Variants in DLGAP4 observed in about 807,000 individuals in gnomAD.
DLGAP4 encodes the protein disks large-associated protein 4.
In DLGAP4, 18 loss-of-function variants were observed where a neutral mutation model predicts 86.9. That is an observed-to-expected ratio of 0.21 (90% CI 0.14 to 0.31). The LOEUF (loss-of-function observed/expected upper bound fraction) is 0.31, where lower values mean the gene tolerates loss of function less well. Ranked by LOEUF, DLGAP4 falls within the 10% of genes least tolerant of loss-of-function variation. The probability of loss-of-function intolerance (pLI) is 1.00; values close to 1 mark genes in which losing one functional copy is unlikely to be tolerated. For missense variants in DLGAP4, 1,085 were observed against 1,362.6 expected, an observed-to-expected ratio of 0.80 and a Z score of 3.21; for synonymous variants, 548 against 574.3, an observed-to-expected ratio of 0.95 and a Z score of 0.65.
At chr20:36,435,792 A>G (rs998969110) in intron 3 of DLGAP4, among the ~76,000 whole-genome samples, 2 of 152,140 alleles carry the variant, frequency 1.3e-5, no homozygotes, top group African/African-American at 4.8e-5. Context: ...CTGAGAGTCC[A>G]CGTGAAGTGA....
chr20:36,490,235 A>T (rs2035602029), intron 7 of DLGAP4, among the ~76,000 whole-genome samples: 1 of 152,106 alleles, frequency 6.6e-6, no homozygotes, highest in South Asian at 2.1e-4. Context: ...GGTCACATGG[A>T]CTGTCAACAG....
intron 2 of DLGAP4, among the ~76,000 whole-genome samples, chr20:36,375,323 G>A (rs1039629283): frequency 6.6e-6 from 1 of 152,206 alleles, no homozygotes; most frequent in South Asian, 2.1e-4. Context: ...TTTTGTGACT[G>A]TTTTGAGAGC....
chr20:36,387,268 G>A (rs1170310635), intron 2 of DLGAP4, among the ~76,000 whole-genome samples: 1 of 152,182 alleles, frequency 6.6e-6, no homozygotes, highest in Non-Finnish European at 1.5e-5. Flanking sequence ...TATTAGAGAA[G>A]CTGAGTGTCT....
intron 7 of DLGAP4, chr20:36,465,323 C>T (rs1388775589): frequency 6.6e-6 from 1 of 152,238 alleles, no homozygotes; most frequent in Non-Finnish European, 1.5e-5. Context: ...TCTCCACCAA[C>T]AGGCCTGGAA....
intron 7 of DLGAP4, among the ~76,000 whole-genome samples, chr20:36,475,939 A>G (rs1268845622): frequency 6.6e-6 from 1 of 151,914 alleles, no homozygotes; most frequent in Admixed American, 6.6e-5. Context: ...GGCTCACTGC[A>G]ACCTTCGCCT....
intron 2 of DLGAP4, among the ~76,000 whole-genome samples, chr20:36,418,698 A>G (rs1312804115): frequency 6.6e-6 from 1 of 152,038 alleles, no homozygotes; most frequent in Non-Finnish European, 1.5e-5. Context: ...CCCTGTGTTC[A>G]GAGTTCACTG....
At chr20:36,416,462 G>C (rs926482021) in intron 2 of DLGAP4, among the ~76,000 whole-genome samples, 13 of 152,154 alleles carry the variant, frequency 8.5e-5, no homozygotes, top group Non-Finnish European at 1.5e-4. Context: ...ACTAACCATC[G>C]GGGACTCCAG....
At chr20:36,403,268 AAG>A (rs1323993910) in intron 2 of DLGAP4, among the ~76,000 whole-genome samples, 1 of 152,198 alleles carries the variant, frequency 6.6e-6, no homozygotes, top group Non-Finnish European at 1.5e-5. Flanking sequence ...CAGAAGGTCA[AAG>A]AGAGAGAGAA....
intron 7 of DLGAP4, chr20:36,473,283 A>G (rs1329028992): frequency 1.3e-5 from 2 of 152,264 alleles, no homozygotes; most frequent in South Asian, 2.1e-4. Context: ...CCTGAAAGCC[A>G]AAGGATGGAG....
At chr20:36,380,791 C>T (rs2031362835) in intron 2 of DLGAP4, among the ~76,000 whole-genome samples, 1 of 152,190 alleles carries the variant, frequency 6.6e-6, no homozygotes, top group African/African-American at 2.4e-5. Context: ...TGCTCCTCTG[C>T]CATGTGCTGC....
At chr20:36,320,435 C>T (rs1450622839) in intron 1 of DLGAP4, among the ~76,000 whole-genome samples, 2 of 151,990 alleles carry the variant, frequency 1.3e-5, no homozygotes, top group African/African-American at 4.8e-5. Flanking sequence ...CCCACACTGA[C>T]CCTTGCCCTG....
chr20:36,467,057 T>TCC (rs2034434003), intron 7 of DLGAP4, among the ~76,000 whole-genome samples: 1 of 87,412 alleles, frequency 1.1e-5, no homozygotes, highest in Non-Finnish European at 2.4e-5. Flanking sequence ...TCTCTCTCTC[T>TCC]CTCTCTCCCC....
intron 1 of DLGAP4, among the ~76,000 whole-genome samples, chr20:36,366,205 T>C (rs1048169886): frequency 6.6e-6 from 1 of 152,144 alleles, no homozygotes; most frequent in African/African-American, 2.4e-5. Context: ...CTGCAACCTC[T>C]GCCTCCTGGG....
chr20:36,325,210 T>G (rs1555890934), intron 1 of DLGAP4, among the ~76,000 whole-genome samples: 2 of 152,188 alleles, frequency 1.3e-5, no homozygotes, highest in East Asian at 3.8e-4. Flanking sequence ...CTTCCCTCTT[T>G]GACCCATGGG....
intron 7 of DLGAP4, among the ~76,000 whole-genome samples, chr20:36,450,034 C>A (rs1236553143): frequency 1.3e-5 from 2 of 152,246 alleles, no homozygotes; most frequent in Non-Finnish European, 2.9e-5. Context: ...GCCTAACTAA[C>A]CAAACAAGCA....
chr20:36,399,227 A>T (rs569354535), intron 2 of DLGAP4, among the ~76,000 whole-genome samples: 5 of 152,278 alleles, frequency 3.3e-5, no homozygotes, highest in African/African-American at 1.2e-4. Flanking sequence ...AACCAAGAAA[A>T]CAAAAACAAA....
At chr20:36,477,106 C>CTT (rs113443321) in intron 7 of DLGAP4, among the ~76,000 whole-genome samples, 6 of 143,468 alleles carry the variant, frequency 4.2e-5, no homozygotes, top group South Asian at 4.4e-4. Context: ...TCTCTTTTTT[C>CTT]TTTTTTTTTT....
At chr20:36,433,712 C>T (rs1172260525) in intron 3 of DLGAP4, among the ~76,000 whole-genome samples, 5 of 151,754 alleles carry the variant, frequency 3.3e-5, no homozygotes, top group African/African-American at 4.8e-5. Flanking sequence ...AATGCAGTGG[C>T]GCGATCTCGG....
intron 7 of DLGAP4, among the ~76,000 whole-genome samples, chr20:36,476,705 G>GTTTTTTTTTTTT (rs35699904): frequency 1.2e-5 from 1 of 85,338 alleles, no homozygotes; most frequent in Non-Finnish European, 2.4e-5. Flanking sequence ...TTTTTTTTTG[G>GTTTTTTTTTTTT]TTTTTTTTTT....
Sources: gnomAD v4.1 joint callset for allele counts (sites outside exome capture counted in the v4.1 genomes callset) on GRCh38, gnomAD v4.1.1 for gene constraint, MANE v1.5 for transcripts, NCBI Gene and HGNC (gene_info 2026-07-23, HGNC 2026-07-21) for gene names.